Variants in SMYD3 observed in about 807,000 individuals in gnomAD.
SMYD3 encodes SET and MYND domain containing 3.
SMYD3 carries 36 observed loss-of-function variants against 57.7 expected under a neutral mutation model. The observed-to-expected ratio is 0.62, with a 90% CI of 0.48 to 0.82. The LOEUF (loss-of-function observed/expected upper bound fraction) is 0.82. SMYD3 is among the 40% of genes least tolerant of loss of function. SMYD3 has a pLI of 0.00. For missense variants in SMYD3, 515 were observed against 538.8 expected (o/e 0.96, Z 0.44); for synonymous variants, 211 against 195.0 (o/e 1.08, Z -0.68).
intron 11 of SMYD3, among the ~76,000 whole-genome samples, chr1:245,763,320 G>A (rs1167919884): frequency 6.6e-6 from 1 of 152,154 alleles, no homozygotes; most frequent in African/African-American, 2.4e-5. Flanking sequence ...TGGGGGCAGG[G>A]GTAAGGGTGG....
intron 5 of SMYD3, among the ~76,000 whole-genome samples, chr1:246,094,597 T>G (rs1012752992): frequency 1.3e-5 from 2 of 152,174 alleles, no homozygotes; most frequent in Non-Finnish European, 1.5e-5. Context: ...TTTAAAGCCC[T>G]CTGGGTTGTA....
chr1:246,280,405 T>A (rs1049524583), intron 5 of SMYD3, among the ~76,000 whole-genome samples: 1 of 152,190 alleles, frequency 6.6e-6, no homozygotes. Context: ...TATGCTGCCA[T>A]GCGACAGAAA....
At chr1:245,870,013 T>C (rs1429745363) in intron 8 of SMYD3, among the ~76,000 whole-genome samples, 1 of 152,178 alleles carries the variant, frequency 6.6e-6, no homozygotes, top group Non-Finnish European at 1.5e-5. Context: ...TCCCCAGGTA[T>C]CCTCAGAACG....
Position 246,507,066 on chromosome 1 carries a change from C to T in SMYD3, c.152G>A (p.Arg51His). Residue 51 changes from arginine to histidine, a missense_variant, in exon 1 of 12, where the codon CGC becomes CAC. Physicochemically the swap from Arg to His is conservative, Grantham distance 29 (BLOSUM62 0). Transcript: ENST00000490107. Reference protein sequence around the residue: ...CKGSRGVVCDRCLLGKEKLMR... With the variant: ...CKGSRGVVCDHCLLGKEKLMR... ...GCTCCTTACGCACCCGAGAAGGCAG[C>T]GGTCGCAGACGACGCCACGACTCCC... The T allele has an allele frequency of 6.7e-7, 1 of 1,498,120 alleles. No individual in the cohort carries two copies. Among genetic ancestry groups the T allele is most frequent in the Non-Finnish European group, 8.9e-7 (1 of 1,120,782 alleles). The allele number at this position is 1,498,120 out of a possible 1,614,324, so 92.8% of individuals were successfully genotyped here. A position where few individuals can be genotyped will look rare whatever the true frequency, so the allele number is the denominator to read the frequency against.
chr1:245,901,960 T>C (rs150381488), intron 8 of SMYD3, among the ~76,000 whole-genome samples: 3 of 152,262 alleles, frequency 2.0e-5, no homozygotes, highest in Admixed American at 2.0e-4. Flanking sequence ...CATCATGGAA[T>C]TGTTCCCAAG....
chr1:246,367,578 G>GT (rs2066127642), intron 1 of SMYD3, among the ~76,000 whole-genome samples: 1 of 152,030 alleles, frequency 6.6e-6, no homozygotes, highest in African/African-American at 2.4e-5. Context: ...GATTACAGGC[G>GT]TGCACAAACA....
intron 5 of SMYD3, among the ~76,000 whole-genome samples, chr1:245,981,053 G>A (rs898903541): frequency 6.6e-6 from 1 of 152,154 alleles, no homozygotes; most frequent in African/African-American, 2.4e-5. Flanking sequence ...TCCCTAACTT[G>A]GAGTATCCCA....
At chr1:246,439,380 C>G (rs1270133582) in intron 1 of SMYD3, among the ~76,000 whole-genome samples, 3 of 152,146 alleles carry the variant, frequency 2.0e-5, no homozygotes, top group African/African-American at 7.2e-5. Flanking sequence ...AGCCTAGAAG[C>G]CTTCTCATGT....
intron 1 of SMYD3, among the ~76,000 whole-genome samples, chr1:246,420,499 T>C (rs920843835): frequency 7.2e-5 from 11 of 152,200 alleles, no homozygotes; most frequent in Middle Eastern, 3.2e-3. Context: ...CGTTTGTAAA[T>C]AATTTAACAG....
chr1:246,162,863 G>C (rs914565181), intron 5 of SMYD3, among the ~76,000 whole-genome samples: 2 of 152,160 alleles, frequency 1.3e-5, no homozygotes, highest in Non-Finnish European at 2.9e-5. Flanking sequence ...CAAAATGGTA[G>C]AGCACAACCA....
At chr1:246,487,307 CA>C (rs2103065463) in intron 1 of SMYD3, among the ~76,000 whole-genome samples, 1 of 152,118 alleles carries the variant, frequency 6.6e-6, no homozygotes, top group Admixed American at 6.5e-5. Flanking sequence ...ATTAGCCAGG[CA>C]TGGTGGTGCG....
At chr1:246,352,246 T>A (rs1022710176) in intron 2 of SMYD3, among the ~76,000 whole-genome samples, 4 of 149,176 alleles carry the variant, frequency 2.7e-5, no homozygotes, top group African/African-American at 9.8e-5. Context: ...AATACCCCAA[T>A]AGCCTCTCTC....
intron 5 of SMYD3, among the ~76,000 whole-genome samples, chr1:246,117,142 C>A (rs1442666010): frequency 6.6e-6 from 1 of 152,186 alleles, no homozygotes; most frequent in African/African-American, 2.4e-5. Flanking sequence ...CTTGTCAGAT[C>A]TTAGAACAAA....
intron 5 of SMYD3, among the ~76,000 whole-genome samples, chr1:245,986,443 G>A (rs1052186892): frequency 1.3e-5 from 2 of 152,204 alleles, no homozygotes; most frequent in Non-Finnish European, 2.9e-5. Flanking sequence ...CAACTGTGCT[G>A]TTATTCCTGT....
intron 9 of SMYD3, among the ~76,000 whole-genome samples, chr1:245,861,126 T>C (rs948333926): frequency 1.3e-5 from 2 of 152,236 alleles, no homozygotes; most frequent in Non-Finnish European, 2.9e-5. Context: ...AGGCAAAACC[T>C]TTCCTGCAAA....
intron 11 of SMYD3, among the ~76,000 whole-genome samples, chr1:245,755,744 T>C (rs2148018931): frequency 6.6e-6 from 1 of 152,272 alleles, no homozygotes; most frequent in East Asian, 1.9e-4. Flanking sequence ...ATGTATCTTT[T>C]TCCATCATTT....
intron 5 of SMYD3, among the ~76,000 whole-genome samples, chr1:245,994,475 C>T (rs565422586): frequency 1.3e-5 from 2 of 152,286 alleles, no homozygotes; most frequent in East Asian, 3.9e-4. Flanking sequence ...GAGAGTTACT[C>T]TCTCTAGAGG....
chr1:245,877,499 T>C (rs143318979), intron 8 of SMYD3, among the ~76,000 whole-genome samples: 514 of 152,156 alleles, frequency 3.4e-3, no homozygotes, highest in African/African-American at 0.011. Context: ...AGGCGGAAGG[T>C]GTTAGGTAGA....
chr1:246,332,062 A>G (rs1337513967), intron 3 of SMYD3, among the ~76,000 whole-genome samples: 1 of 152,232 alleles, frequency 6.6e-6, no homozygotes, highest in African/African-American at 2.4e-5. Flanking sequence ...AATTAGGCCA[A>G]TTAATAACTT....
Sources: gnomAD v4.1 joint callset for allele counts (sites outside exome capture counted in the v4.1 genomes callset) on GRCh38, gnomAD v4.1.1 for gene constraint, MANE v1.5 for transcripts, NCBI Gene and HGNC (gene_info 2026-07-23, HGNC 2026-07-21) for gene names.